Variants in CMC1 observed in about 807,000 individuals in gnomAD.
CMC1 encodes COX assembly mitochondrial protein homolog.
Under a neutral mutation model 14.1 loss-of-function variants are expected in CMC1, and 14 were observed. The ratio of observed to expected loss-of-function variants is 0.99; its 90% CI spans 0.66 to 1.55. The LOEUF is 1.55. CMC1 is among the 40% of genes most tolerant of loss of function. The pLI is 0.00. For missense variants in CMC1, 127 were observed against 123.8 expected (o/e 1.03, Z -0.12); for synonymous variants, 50 against 38.4 (o/e 1.30, Z -1.12).
chr3:28,271,557 C>G (rs964876881), intron 2 of CMC1, among the ~76,000 whole-genome samples: 9 of 152,134 alleles, frequency 5.9e-5, no homozygotes, highest in African/African-American at 2.2e-4. Context: ...TTTCATTGGT[C>G]TATGTGTCTG....
chr3:28,290,183 T>G (rs1701395420), intron 2 of CMC1, among the ~76,000 whole-genome samples: 1 of 152,192 alleles, frequency 6.6e-6, no homozygotes, highest in Middle Eastern at 3.2e-3. Context: ...TAATTTATAA[T>G]ACTTATATTC....
chr3:28,286,858 C>A (rs559403731), intron 2 of CMC1, among the ~76,000 whole-genome samples: 2 of 151,436 alleles, frequency 1.3e-5, no homozygotes, highest in African/African-American at 2.4e-5. Context: ...GGTAGATCTG[C>A]TGAATGTGGG....
chr3:28,247,321 G>T (rs1421569340), intron 1 of CMC1, among the ~76,000 whole-genome samples: 2 of 146,444 alleles, frequency 1.4e-5, no homozygotes, highest in East Asian at 4.0e-4. Context: ...TTTAGGAAAA[G>T]AAAAAAAAAA....
At chr3:28,244,507 C>T (rs1235694525) in intron 1 of CMC1, among the ~76,000 whole-genome samples, 2 of 152,098 alleles carry the variant, frequency 1.3e-5, no homozygotes, top group African/African-American at 2.4e-5. Flanking sequence ...GCAGGCAGAT[C>T]GCATGAGCTC....
intron 2 of CMC1, among the ~76,000 whole-genome samples, chr3:28,284,514 A>AT (rs902580402): frequency 1.4e-4 from 21 of 152,002 alleles, no homozygotes; most frequent in African/African-American, 3.6e-4. Context: ...AGATAATTGC[A>AT]TTTTTTTTCC....
chr3:28,287,092 C>T (rs11706542), intron 2 of CMC1, among the ~76,000 whole-genome samples: 34,860 of 152,000 alleles, frequency 0.23, 4,451 homozygotes, highest in Middle Eastern at 0.3. Context: ...TCGGATTCTT[C>T]CTAACACTCT....
chr3:28,320,183 CTT>C lies in CMC1; in HGVS notation c.*555_*556del, dbSNP rs1703141777. The C allele has an allele frequency of 6.6e-6, 1 of 151,554 alleles. No individual in the cohort carries two copies. The highest frequency in any genetic ancestry group is 1.5e-5 in the Non-Finnish European group (1 of 67,762). The allele number at this position is 151,554 out of a possible 1,614,324, so 9.4% of individuals were successfully genotyped here. On this transcript the variant is annotated 3_prime_UTR_variant, in exon 4 of 4. Coordinates refer to ENST00000466830, the MANE Select transcript of CMC1 (RefSeq NM_182523.2). ...CAGTGCTTCAGACCTGGTACATGCT[CTT>C]ATATTGGTAGTTACTGTTAGTAGTA... is the stretch of plus-strand genomic sequence containing the variant.
At chr3:28,316,782 C>T (rs1041270587) in intron 3 of CMC1, 1 of 157,650 alleles carries the variant, frequency 6.3e-6, no homozygotes, top group African/African-American at 2.4e-5. Context: ...TCTGAGACTT[C>T]CTCCAGCCTT....
Position 28,256,203 on chromosome 3 carries a change from A to G in CMC1, c.20-7088A>G, listed in dbSNP as rs536496209. On this transcript the variant is annotated intron_variant, in intron 1 of 3. Coordinates refer to ENST00000466830, the MANE Select transcript of CMC1 (RefSeq NM_182523.2). ...CACATATGCATATATGTGTGTGTGT[A>G]TATATATATATATATGTATACGTGT... Among the ~76,000 whole-genome samples, 726 of 148,964 alleles carry G rather than the reference A, an allele frequency of 4.9e-3. 4 individuals carry two copies. The highest frequency in any genetic ancestry group is 0.014 in the African/African-American group (560 of 40,834).
intron 2 of CMC1, among the ~76,000 whole-genome samples, chr3:28,310,913 G>A (rs1019082506): frequency 6.6e-6 from 1 of 151,922 alleles, no homozygotes; most frequent in Non-Finnish European, 1.5e-5. Context: ...TCACAAGAGG[G>A]TTTGTGCTCC....
intron 2 of CMC1, among the ~76,000 whole-genome samples, chr3:28,310,117 A>C (rs1444244064): frequency 2.0e-5 from 3 of 152,174 alleles, no homozygotes; most frequent in African/African-American, 7.2e-5. Context: ...TGCTAACACA[A>C]CACAGTGTAC....
At chr3:28,268,438 A>C (rs1700115079) in intron 2 of CMC1, among the ~76,000 whole-genome samples, 1 of 152,160 alleles carries the variant, frequency 6.6e-6, no homozygotes, top group Non-Finnish European at 1.5e-5. Context: ...GGCTCATTAG[A>C]GACTCAGTCC....
chr3:28,267,332 T>TAAA (rs1427380487), intron 2 of CMC1, among the ~76,000 whole-genome samples: 2 of 152,236 alleles, frequency 1.3e-5, no homozygotes, highest in Non-Finnish European at 2.9e-5. Context: ...ACATTTGCTA[T>TAAA]AAAGTCTCTA....
chr3:28,301,640 T>A (rs191663234), intron 2 of CMC1, among the ~76,000 whole-genome samples: 4,238 of 150,954 alleles, frequency 0.028, 171 homozygotes, highest in African/African-American at 0.086. Flanking sequence ...TTTTTTTTTT[T>A]AAAAAAATAG....
intron 2 of CMC1, among the ~76,000 whole-genome samples, chr3:28,288,554 A>G (rs1225100430): frequency 6.6e-6 from 1 of 152,056 alleles, no homozygotes; most frequent in African/African-American, 2.4e-5. Flanking sequence ...AAATAATTTT[A>G]GGTTTTATAG....
In CMC1 at chr3:28,319,759, A is replaced by AT. The variant is rs1703127752; in HGVS notation, c.*131dup. On this transcript the variant is annotated 3_prime_UTR_variant, in exon 4 of 4. Transcript: ENST00000466830. Reference sequence around the variant, plus strand: ...GAAATATTAACTTTATCTGAAATAAATATTTTATTTCAAAGTTTTGGTTTC... The same window carrying AT: ...GAAATATTAACTTTATCTGAAATAAATTATTTTATTTCAAAGTTTTGGTTTC... The AT allele has an allele frequency of 3.8e-6, 3 of 795,436 alleles. No individual in the cohort carries two copies. The Admixed American group carries it at 1.0e-4, about 27-fold the overall frequency. The allele number at this position is 795,436 out of a possible 1,614,324, so 49.3% of individuals were successfully genotyped here.
At chr3:28,315,915 G>A (rs967961149) in intron 2 of CMC1, 1 of 154,336 alleles carries the variant, frequency 6.5e-6, no homozygotes, top group Non-Finnish European at 1.4e-5. Context: ...GGACCACGAT[G>A]AAATTGCCAA....
At chr3:28,313,600 G>T (rs1391058114) in intron 2 of CMC1, among the ~76,000 whole-genome samples, 3 of 152,136 alleles carry the variant, frequency 2.0e-5, no homozygotes, top group Non-Finnish European at 4.4e-5. Flanking sequence ...TTAAAATCTT[G>T]TTGCTAAACA....
At chr3:28,272,347 G>A (rs1418603747) in intron 2 of CMC1, among the ~76,000 whole-genome samples, 1 of 152,136 alleles carries the variant, frequency 6.6e-6, no homozygotes, top group Non-Finnish European at 1.5e-5. Flanking sequence ...TATGATGTTG[G>A]CTGTGGGTTT....
Sources: gnomAD v4.1 joint callset for allele counts (sites outside exome capture counted in the v4.1 genomes callset) on GRCh38, gnomAD v4.1.1 for gene constraint, MANE v1.5 for transcripts, NCBI Gene and HGNC (gene_info 2026-07-23, HGNC 2026-07-21) for gene names.